The following BCAT1 variants were observed in gnomAD, a reference collection of about 807,000 sequenced individuals.
The protein encoded by BCAT1 is branched-chain-amino-acid aminotransferase, cytosolic.
BCAT1 carries 48 observed loss-of-function variants against 52.4 expected under a neutral mutation model. The ratio of observed to expected loss-of-function variants is 0.92; its 90% confidence interval spans 0.73 to 1.16. The LOEUF (loss-of-function observed/expected upper bound fraction) is 1.16. BCAT1 is among the 50% of genes most tolerant of loss of function. The pLI is 0.00. For missense variants in BCAT1, 451 were observed against 457.1 expected, an observed-to-expected ratio of 0.99 and a Z score of 0.12; for synonymous variants, 167 against 161.3, an observed-to-expected ratio of 1.04 and a Z score of -0.27.
At chr12:24,866,223 A>C (rs1942002158) in intron 5 of BCAT1, among the ~76,000 whole-genome samples, 1 of 152,198 alleles carries the variant, frequency 6.6e-6, no homozygotes, top group Non-Finnish European at 1.5e-5. Context: ...CACCCAGGCC[A>C]GCAGCTGCGG....
intron 2 of BCAT1, among the ~76,000 whole-genome samples, chr12:24,897,230 T>C (rs543182655): frequency 1.1e-3 from 175 of 152,274 alleles, no homozygotes; most frequent in Non-Finnish European, 1.5e-3. Context: ...ATCCAGTATA[T>C]ATAATTTTTA....
chr12:24,900,303 A>G (rs1432001720), intron 2 of BCAT1, among the ~76,000 whole-genome samples: 3 of 152,212 alleles, frequency 2.0e-5, no homozygotes, highest in Non-Finnish European at 4.4e-5. Flanking sequence ...AAGATTATTT[A>G]TGGCCAGGCA....
At chr12:24,922,656 A>G (rs1943514631) in intron 1 of BCAT1, among the ~76,000 whole-genome samples, 1 of 152,030 alleles carries the variant, frequency 6.6e-6, no homozygotes, top group Admixed American at 6.6e-5. Flanking sequence ...GCGGATCACG[A>G]GGTCAGGAGA....
At chr12:24,947,972 G>A (rs569041688) in intron 1 of BCAT1, among the ~76,000 whole-genome samples, 1 of 152,316 alleles carries the variant, frequency 6.6e-6, no homozygotes, top group South Asian at 2.1e-4. Context: ...GGCAACAAAG[G>A]CGCTATTTAC....
chr12:24,822,939 G>GT (rs563519447), intron 10 of BCAT1, among the ~76,000 whole-genome samples: 26 of 151,656 alleles, frequency 1.7e-4, no homozygotes, highest in African/African-American at 6.0e-4. Context: ...GGGAGAAAAG[G>GT]TTTTTTCCCC....
intron 4 of BCAT1, among the ~76,000 whole-genome samples, chr12:24,880,965 G>A (rs1942476228): frequency 6.6e-6 from 1 of 151,736 alleles, no homozygotes; most frequent in Non-Finnish European, 1.5e-5. Flanking sequence ...CAGCCACACC[G>A]ATGGGACCAC....
chr12:24,874,212 G>A (rs1018892589), intron 5 of BCAT1, among the ~76,000 whole-genome samples: 2 of 152,172 alleles, frequency 1.3e-5, no homozygotes, highest in African/African-American at 4.8e-5. Flanking sequence ...TAATCAGGAG[G>A]CTGAGGCAGG....
chr12:24,830,990 G>A (rs1940640417), intron 9 of BCAT1, among the ~76,000 whole-genome samples: 1 of 152,164 alleles, frequency 6.6e-6, no homozygotes. Flanking sequence ...AAAACCAGTG[G>A]AGTTTGCATT....
At chr12:24,918,516 C>A (rs565311985) in intron 1 of BCAT1, among the ~76,000 whole-genome samples, 6 of 152,178 alleles carry the variant, frequency 3.9e-5, no homozygotes, top group African/African-American at 1.2e-4. Context: ...TTTAACATAC[C>A]AAATAAGCCT....
At chr12:24,826,596 C>T (rs1940408068) in intron 10 of BCAT1, among the ~76,000 whole-genome samples, 1 of 152,106 alleles carries the variant, frequency 6.6e-6, no homozygotes, top group Non-Finnish European at 1.5e-5. Context: ...GTTCTTTTTG[C>T]TCAAGATTGC....
chr12:24,930,547 C>A (rs550388345), intron 1 of BCAT1, among the ~76,000 whole-genome samples: 1 of 152,146 alleles, frequency 6.6e-6, no homozygotes, highest in Non-Finnish European at 1.5e-5. Flanking sequence ...GTCAAGTGTT[C>A]GCAAGCTACA....
chr12:24,852,475 T>C (rs899064540), intron 5 of BCAT1, among the ~76,000 whole-genome samples: 4 of 152,244 alleles, frequency 2.6e-5, no homozygotes, highest in Non-Finnish European at 5.9e-5. Flanking sequence ...TCCAAACTAA[T>C]GTATTTTATG....
intron 1 of BCAT1, among the ~76,000 whole-genome samples, chr12:24,928,152 A>G (rs1295755300): frequency 6.6e-6 from 1 of 152,244 alleles, no homozygotes; most frequent in Non-Finnish European, 1.5e-5. Flanking sequence ...TAAGTACTGG[A>G]AACTGAGTCA....
intron 1 of BCAT1, among the ~76,000 whole-genome samples, chr12:24,919,463 G>C (rs757217317): frequency 1.3e-5 from 2 of 152,128 alleles, no homozygotes; most frequent in Non-Finnish European, 2.9e-5. Context: ...GATAAAGCTT[G>C]GGTAAACCAC....
intron 3 of BCAT1, among the ~76,000 whole-genome samples, chr12:24,882,029 C>T (rs576851517): frequency 6.6e-6 from 1 of 152,108 alleles, no homozygotes; most frequent in Non-Finnish European, 1.5e-5. Flanking sequence ...CAGAGAAAGA[C>T]AAAAATCAAT....
chr12:24,827,334 C>T (rs1420108889), intron 10 of BCAT1, among the ~76,000 whole-genome samples: 2 of 152,204 alleles, frequency 1.3e-5, no homozygotes, highest in Non-Finnish European at 2.9e-5. Context: ...TTATTAGCTA[C>T]TCTTCAAATT....
At chr12:24,832,340 T>C (rs1361167976) in intron 9 of BCAT1, among the ~76,000 whole-genome samples, 5 of 151,868 alleles carry the variant, frequency 3.3e-5, no homozygotes, top group African/African-American at 1.2e-4. Context: ...TATATGCTAA[T>C]ACAGTTTCAT....
chr12:24,901,499 T>A (rs1265701887), intron 2 of BCAT1, among the ~76,000 whole-genome samples: 2 of 152,218 alleles, frequency 1.3e-5, no homozygotes, highest in Non-Finnish European at 2.9e-5. Context: ...TTTCTACAAG[T>A]AGACTGAAGG....
chr12:24,812,674 T>C lies in BCAT1; in HGVS notation c.*5334A>G, dbSNP rs1429997078. 4 of 152,116 alleles carry C rather than the reference T, an allele frequency of 2.6e-5. No homozygotes were observed. The highest frequency in any genetic ancestry group is 4.1e-4 in the South Asian group (2 of 4,822). The allele number at this position is 152,116 out of a possible 1,614,324, so 9.4% of individuals were successfully genotyped here. ...AGCTCCTTTGGATAACACAAAAATA[T>C]GTTTTGTTTTTTTCCCCTCCTCTAT... On this transcript the variant is annotated 3_prime_UTR_variant, in exon 11 of 11. Coordinates refer to ENST00000261192, the MANE Select transcript of BCAT1 (RefSeq NM_005504.7).
Sources: allele counts gnomAD v4.1 joint callset (sites outside exome capture counted in the v4.1 genomes callset), GRCh38; gene constraint gnomAD v4.1.1; transcripts MANE v1.5; gene names NCBI Gene and HGNC (gene_info 2026-07-23, HGNC 2026-07-21).